The following CLIC5 variants were observed in gnomAD, a reference collection of about 807,000 sequenced individuals.
CLIC5 encodes CLIC family member 5.
Under a neutral mutation model 24.7 loss-of-function variants are expected in CLIC5, and 20 were observed. The ratio of observed to expected loss-of-function variants is 0.81; its 90% CI spans 0.57 to 1.18. CLIC5 has a LOEUF of 1.18. Ranked by LOEUF, CLIC5 falls within the 50% of genes most tolerant of loss-of-function variation. The pLI is 0.00. For synonymous variants in CLIC5, 159 were observed against 135.6 expected (o/e 1.17, Z -1.20); for missense variants, 341 against 326.1 (o/e 1.05, Z -0.35).
chr6:46,076,326 G>A (rs1277623176), intron 1 of CLIC5, among the ~76,000 whole-genome samples: 1 of 152,230 alleles, frequency 6.6e-6, no homozygotes, highest in African/African-American at 2.4e-5. Flanking sequence ...CGAATTCCCA[G>A]AAGCTGCAGA....
At chr6:45,911,739 G>A (rs1336351025) in intron 5 of CLIC5, 1 of 985,390 alleles carries the variant, frequency 1.0e-6, no homozygotes, top group Non-Finnish European at 1.2e-6. Flanking sequence ...TCCCCTTCTT[G>A]TTTGTCTCCA....
chr6:45,954,272 CAAAAAAAAAAAAA>C (rs11311720), intron 2 of CLIC5, among the ~76,000 whole-genome samples: 1 of 76,562 alleles, frequency 1.3e-5, no homozygotes, highest in Admixed American at 1.4e-4. Flanking sequence ...GACTCTGTCT[CAAAAAAAAAAAAA>C]AAAAAAGAAA....
intron 1 of CLIC5, among the ~76,000 whole-genome samples, chr6:46,059,850 G>T (rs137946429): frequency 6.6e-6 from 1 of 152,298 alleles, no homozygotes; most frequent in East Asian, 1.9e-4. Context: ...GAACAGGATT[G>T]CCTGAGTTTG....
chr6:46,021,528 C>T (rs116205213), intron 1 of CLIC5, among the ~76,000 whole-genome samples: 2,416 of 152,094 alleles, frequency 0.016, 73 homozygotes, highest in African/African-American at 0.056. Flanking sequence ...CTGGAAACAT[C>T]CCCAAATGTT....
rs192401640 is a variant in CLIC5, at chr6:45,940,685, G to T, written c.406+862C>A. Among the ~76,000 whole-genome samples, 286 of 152,260 alleles carry T rather than the reference G, an allele frequency of 1.9e-3. 2 individuals are homozygous for T. The highest frequency in any genetic ancestry group is 0.016 in the Admixed American group (240 of 15,296). On this transcript the variant is annotated intron_variant, in intron 4 of 5. Coordinates refer to ENST00000339561, the MANE Select transcript of CLIC5 (RefSeq NM_016929.5). ...GGACTCCAGTCATCCAGCCTGTGAG[G>T]CTGTCCTGTCATCCCATTCTGAGGG...
chr6:46,104,807 G>A, the CLIC5 span, among the ~76,000 whole-genome samples: 1 of 152,048 alleles, frequency 6.6e-6, no homozygotes, highest in Non-Finnish European at 1.5e-5. Flanking sequence ...AAATTAAAGA[G>A]CAAAAATCTG....
At chr6:45,989,791 A>G (rs1350578995) in intron 1 of CLIC5, among the ~76,000 whole-genome samples, 1 of 152,204 alleles carries the variant, frequency 6.6e-6, no homozygotes, top group Non-Finnish European at 1.5e-5. Flanking sequence ...AGGAGGCAAT[A>G]GTGAAAACCC....
At chr6:46,053,515 A>G (rs1465778092) in intron 1 of CLIC5, among the ~76,000 whole-genome samples, 1 of 152,200 alleles carries the variant, frequency 6.6e-6, no homozygotes, top group Non-Finnish European at 1.5e-5. Context: ...CCTATACTGA[A>G]CAGTGCTGCT....
chr6:45,911,787 G>T (rs1260282928), intron 5 of CLIC5: 6 of 985,328 alleles, frequency 6.1e-6, no homozygotes, highest in African/African-American at 1.7e-5. Context: ...AAGGATCCCA[G>T]TGAGCAAGGA....
intron 1 of CLIC5, among the ~76,000 whole-genome samples, chr6:45,991,642 C>T (rs577540630): frequency 2.6e-5 from 4 of 152,306 alleles, no homozygotes; most frequent in South Asian, 4.2e-4. Flanking sequence ...GAAATCATTT[C>T]CTAGAGACAG....
intron 5 of CLIC5, among the ~76,000 whole-genome samples, chr6:45,909,850 G>A (rs1762768132): frequency 6.6e-6 from 1 of 152,130 alleles, no homozygotes; most frequent in Non-Finnish European, 1.5e-5. Context: ...TTCAGAGAGG[G>A]CCCTAGACCA....
chr6:45,914,886 G>T (rs577347245), intron 4 of CLIC5, among the ~76,000 whole-genome samples: 1 of 151,812 alleles, frequency 6.6e-6, no homozygotes, highest in East Asian at 1.9e-4. Context: ...AGGAGGCAGA[G>T]GTTGCAGTAA....
At chr6:46,099,986 TAA>T in the CLIC5 span, among the ~76,000 whole-genome samples, 1 of 143,094 alleles carries the variant, frequency 7.0e-6, no homozygotes. Flanking sequence ...CATAAGGCCA[TAA>T]AAAAAAAAAA....
rs1184200133 is a variant in CLIC5, at chr6:46,048,010, T to G, written c.540+31693A>C. ...AATATTCACTTCCATATCTACTTTT[T>G]TTTTTTTTTTTAGACAAAGTCTCAC... is the stretch of plus-strand genomic sequence containing the variant. On this transcript the variant is annotated intron_variant, in intron 1 of 5. Transcript: ENST00000185206. Among the ~76,000 whole-genome samples the G allele has an allele frequency of 4.2e-4, 63 of 151,722 alleles. 1 individual carries two copies. The highest frequency in any genetic ancestry group is 1.5e-3 in the African/African-American group (61 of 41,342).
intron 6 of CLIC5, among the ~76,000 whole-genome samples, chr6:45,889,144 T>C (rs902207807): frequency 2.0e-5 from 3 of 152,124 alleles, no homozygotes; most frequent in Admixed American, 2.0e-4. Context: ...CAACAGAAAT[T>C]TATTTTTCAC....
the CLIC5 span, among the ~76,000 whole-genome samples, chr6:46,098,164 G>A: frequency 1.3e-5 from 2 of 152,110 alleles, no homozygotes; most frequent in East Asian, 1.9e-4. Context: ...GGGACTGCAA[G>A]GAAAATAAAG....
exon 7 of CLIC5, chr6:45,881,075 T>G: frequency 2.5e-6 from 1 of 398,506 alleles, no homozygotes; most frequent in Non-Finnish European, 4.4e-6. Flanking sequence ...GTTCCACATT[T>G]AGAAATTTCA....
At chr6:46,028,173 G>A (rs1581879129) in intron 1 of CLIC5, among the ~76,000 whole-genome samples, 1 of 152,184 alleles carries the variant, frequency 6.6e-6, no homozygotes, top group Non-Finnish European at 1.5e-5. Context: ...CTGTCTCCTT[G>A]TGGGAAGTCA....
chr6:45,912,731 T>G, intron 5 of CLIC5: 1 of 1,533,502 alleles, frequency 6.5e-7, no homozygotes, highest in South Asian at 1.2e-5. Context: ...CTTTCAGTGG[T>G]ACTTGTTCCT....
Sources: gnomAD v4.1 joint callset for allele counts (sites outside exome capture counted in the v4.1 genomes callset) on GRCh38, gnomAD v4.1.1 for gene constraint, MANE v1.5 for transcripts, NCBI Gene and HGNC (gene_info 2026-07-23, HGNC 2026-07-21) for gene names.